PTPN5: variants seen among roughly 807,000 people sequenced by gnomAD.
The protein encoded by PTPN5 is protein tyrosine phosphatase non-receptor type 5, also known as tyrosine-protein phosphatase non-receptor type 5.
In PTPN5, 29 loss-of-function variants were observed where a neutral mutation model predicts 73.9. The ratio of observed to expected loss-of-function variants is 0.39; its 90% CI spans 0.29 to 0.54. The LOEUF is 0.54. Among genes scored for constraint, PTPN5 ranks in the 20% least tolerant of loss-of-function variants. The probability of loss-of-function intolerance (pLI) is 0.65; values close to 1 mark genes in which losing one functional copy is unlikely to be tolerated. For synonymous variants in PTPN5, 267 were observed against 304.7 expected, an observed-to-expected ratio of 0.88 and a Z score of 1.29; for missense variants, 652 against 751.4, an observed-to-expected ratio of 0.87 and a Z score of 1.55.
rs1848769873 is a variant in PTPN5, at chr11:18,729,399, C to T, written c.1604+54G>A. 1 of 882,098 alleles carries T rather than the reference C, an allele frequency of 1.1e-6. No individual in the cohort carries two copies. The highest frequency in any genetic ancestry group is 1.3e-5 in the South Asian group (1 of 74,906). The allele number at this position is 882,098 out of a possible 1,614,324, so 54.6% of individuals were successfully genotyped here. ...ATGCACATGTGGGTCTCTCCCTCTACCCGCTCGGGGCTCTAGCTCCCTTGT... is the reference window on the plus strand; with the variant it reads ...ATGCACATGTGGGTCTCTCCCTCTATCCGCTCGGGGCTCTAGCTCCCTTGT... On this transcript the variant is annotated intron_variant, in intron 14 of 14. Transcript: ENST00000358540. The surrounding 1 kb of genome is among the most constrained non-coding windows in gnomAD (Gnocchi z 5.2).
intron 1 of PTPN5, among the ~76,000 whole-genome samples, chr11:18,776,205 G>C (rs1381084549): frequency 6.6e-6 from 1 of 152,164 alleles, no homozygotes; most frequent in Non-Finnish European, 1.5e-5. Flanking sequence ...CACACTTCTT[G>C]TGGGCGTCTT....
Position 18,742,111 on chromosome 11 carries a change from GA to G in PTPN5, c.725+150del. ...CATCTTGGGGCACTTTGATCTCTAT[GA>G]ATGACCTGGATAGCACATGTCTACA... is the stretch of plus-strand genomic sequence containing the variant. On this transcript the variant is annotated intron_variant, in intron 7 of 14. Coordinates refer to ENST00000358540, the MANE Select transcript of PTPN5 (RefSeq NM_006906.2). This position sits in a 1 kb window ranked among gnomAD's most constrained non-coding sequence, Gnocchi z 4.1. 2.8e-6 allele frequency: 3 copies of G among 1,066,202 alleles called. No homozygotes were observed. The highest frequency in any genetic ancestry group is 4.1e-6 in the Non-Finnish European group (3 of 734,868). The allele number at this position is 1,066,202 out of a possible 1,614,324, so 66.0% of individuals were successfully genotyped here.
chr11:18,777,029 C>T (rs1322174309), intron 1 of PTPN5, among the ~76,000 whole-genome samples: 1 of 152,106 alleles, frequency 6.6e-6, no homozygotes. Context: ...GGCGTGGTGG[C>T]GGGCGCCTGT....
intron 3 of PTPN5, among the ~76,000 whole-genome samples, chr11:18,759,996 C>T (rs1372621542): frequency 6.6e-6 from 1 of 152,120 alleles, no homozygotes; most frequent in Non-Finnish European, 1.5e-5. Context: ...AGACATGAAT[C>T]GAGACCCTAT....
At chr11:18,788,781 T>C (rs756479950) in intron 1 of PTPN5, among the ~76,000 whole-genome samples, 8 of 152,204 alleles carry the variant, frequency 5.3e-5, no homozygotes, top group Non-Finnish European at 1.2e-4. Flanking sequence ...GGCCTAGCTC[T>C]CTGGATCTGA....
chr11:18,732,789 A>C (rs1317312167), intron 11 of PTPN5, 87 bp from the exon 12 acceptor site: 1 of 1,075,392 alleles, frequency 9.3e-7, no homozygotes, highest in Non-Finnish European at 1.4e-6. Context: ...GGAGAGATAC[A>C]CAAGGGCAAC....
rs1175064555 is a variant in PTPN5, at chr11:18,729,672, G to A, written c.1476C>T (p.Ile492=). ...GGAGGACCCACCTGCAGTGGACGAT[G>A]ATGGGGGCACAGTGGGGCCCCTCCT... ...AQQEGPHCAP[I]IVHCSAGIGR... The change falls in exon 13 of 15, where the codon ATC becomes ATT. Residue 492 remains isoleucine, a synonymous_variant. Coordinates refer to ENST00000358540, the MANE Select transcript of PTPN5 (RefSeq NM_006906.2). The surrounding 1 kb of genome is among the most constrained non-coding windows in gnomAD (Gnocchi z 5.2). 6.4e-7 allele frequency: 1 copy of A among 1,574,576 alleles called. No homozygotes were observed. Among genetic ancestry groups the A allele is most frequent in the Non-Finnish European group, 8.6e-7 (1 of 1,160,210 alleles).
intron 1 of PTPN5, among the ~76,000 whole-genome samples, chr11:18,777,955 G>A (rs1168229297): frequency 7.0e-6 from 1 of 143,136 alleles, no homozygotes; most frequent in African/African-American, 2.6e-5. Context: ...AAAAAGAAAG[G>A]AAGAAAGGAA....
At chr11:18,773,525 T>C (rs1033209275) in intron 1 of PTPN5, among the ~76,000 whole-genome samples, 4 of 151,964 alleles carry the variant, frequency 2.6e-5, no homozygotes, top group African/African-American at 4.8e-5. Flanking sequence ...GGCTCTTCAG[T>C]GGGGCTGGGG....
chr11:18,780,077 A>G (rs945249480), intron 1 of PTPN5, among the ~76,000 whole-genome samples: 1 of 151,922 alleles, frequency 6.6e-6, no homozygotes, highest in Non-Finnish European at 1.5e-5. Context: ...CACAGGAGAC[A>G]CTCCTGCTCT....
intron 1 of PTPN5, among the ~76,000 whole-genome samples, chr11:18,780,191 G>A (rs967519698): frequency 6.6e-6 from 1 of 152,200 alleles, no homozygotes; most frequent in Non-Finnish European, 1.5e-5. Context: ...GACAGCAGCT[G>A]GAGGATGAGA....
At chr11:18,745,671 T>TCAG (rs1229059778) in intron 3 of PTPN5, among the ~76,000 whole-genome samples, 4 of 152,120 alleles carry the variant, frequency 2.6e-5, no homozygotes, top group Non-Finnish European at 4.4e-5. Flanking sequence ...ATCATCATCA[T>TCAG]CATCAGCAGC....
At chr11:18,770,938 A>G (rs1850862327) in intron 2 of PTPN5, among the ~76,000 whole-genome samples, 1 of 152,010 alleles carries the variant, frequency 6.6e-6, no homozygotes, top group Admixed American at 6.5e-5. Context: ...TGGGGGGTAG[A>G]GTGGGGGATG....
rs778781803 is a variant in PTPN5, at chr11:18,743,356, G to A, written c.365C>T (p.Ser122Phe). The A allele has an allele frequency of 2.5e-6, 4 of 1,614,170 alleles. No individual in the cohort carries two copies. In the South Asian group the frequency reaches 4.4e-5, roughly 18 times the overall value. Residue 122 changes from serine (S) to phenylalanine (F), a missense_variant, in exon 5 of 15, where the codon TCT becomes TTT. By Grantham distance (155) the Ser-to-Phe change is radical. Transcript: ENST00000358540. Reference sequence around the variant, plus strand: ...CAGCTGTTTCAGGAGCGTCAGCAAAGAGGAGACGAGGTTTGTGGCGTTCTG... The same window carrying A: ...CAGCTGTTTCAGGAGCGTCAGCAAAAAGGAGACGAGGTTTGTGGCGTTCTG... ...WSQNATNLVSSLLTLLKQLEP... is the reference protein window; with the variant it reads ...WSQNATNLVSFLLTLLKQLEP...
Position 18,746,192 on chromosome 11 carries a change from T to TATATATATATATATATAC in PTPN5, c.98-1994_98-1993insGTATATATATATATATAT, listed in dbSNP as rs550537453. On this transcript the variant is annotated intron_variant, in intron 3 of 14. Coordinates refer to ENST00000358540, the MANE Select transcript of PTPN5 (RefSeq NM_006906.2). ...ATATATATATATATATATATATATA[T>TATATATATATATATATAC]ACATTTTTTTTTTTTTTGAGATGGA... Among the ~76,000 whole-genome samples, 502 of 102,702 alleles carry TATATATATATATATATAC rather than the reference T, an allele frequency of 4.9e-3. 28 individuals are homozygous for TATATATATATATATATAC. Among genetic ancestry groups the TATATATATATATATATAC allele is most frequent in the Middle Eastern group, 0.017 (3 of 172 alleles). The allele number at this position is 102,702 out of a possible 152,430, so 67.4% of individuals were successfully genotyped here.
intron 3 of PTPN5, among the ~76,000 whole-genome samples, chr11:18,748,771 C>T (rs545614358): frequency 6.6e-6 from 1 of 152,088 alleles, no homozygotes; most frequent in East Asian, 1.9e-4. Context: ...TTATTAAGCG[C>T]CGATTATACG....
At position 18,768,266 on chromosome 11, in the gene PTPN5, T is replaced by G. The variant is rs568679332; in HGVS notation, c.21-2383A>C. On this transcript the variant is annotated intron_variant, in intron 2 of 14. Transcript: ENST00000358540. Reference sequence around the variant, plus strand: ...CCTCCACAGCTGTTGTCCACAGAAGTCAGAGAATCACAGATCTGGAAGGCC... The same window carrying G: ...CCTCCACAGCTGTTGTCCACAGAAGGCAGAGAATCACAGATCTGGAAGGCC... Among the ~76,000 whole-genome samples, 7 of 152,316 alleles carry G rather than the reference T, an allele frequency of 4.6e-5. No individual in the cohort carries two copies. The South Asian group carries it at 1.4e-3, about 32-fold the overall frequency.
intron 2 of PTPN5, among the ~76,000 whole-genome samples, chr11:18,770,397 A>G (rs998524264): frequency 4.6e-5 from 7 of 152,232 alleles, no homozygotes; most frequent in Non-Finnish European, 8.8e-5. Context: ...ATCATAAAAT[A>G]TGTAGCCTTT....
intron 3 of PTPN5, among the ~76,000 whole-genome samples, chr11:18,764,951 A>G (rs1250496817): frequency 6.6e-6 from 1 of 152,104 alleles, no homozygotes; most frequent in African/African-American, 2.4e-5. Context: ...TGACCTCGTG[A>G]TCTGCCCGCC....
Sources: allele counts gnomAD v4.1 joint callset (sites outside exome capture counted in the v4.1 genomes callset), GRCh38; gene constraint gnomAD v4.1.1; non-coding constraint Gnocchi (gnomAD v3.1); transcripts MANE v1.5; gene names NCBI Gene and HGNC (gene_info 2026-07-23, HGNC 2026-07-21).